DMRT1: variants seen among roughly 807,000 people sequenced by gnomAD.
DMRT1 encodes doublesex and mab-3 related transcription factor 1.
A neutral mutation model predicts 32.3 loss-of-function variants in DMRT1; 7 were observed. The ratio of observed to expected loss-of-function variants is 0.22; its 90% CI spans 0.12 to 0.41. The LOEUF (loss-of-function observed/expected upper bound fraction) is 0.41, where lower values mean the gene tolerates loss of function less well. Among genes scored for constraint, DMRT1 ranks in the 10% least tolerant of loss-of-function variants. The pLI is 1.00. For synonymous variants in DMRT1, 278 were observed against 206.1 expected, an observed-to-expected ratio of 1.35 and a Z score of -2.99; for missense variants, 625 against 500.5, an observed-to-expected ratio of 1.25 and a Z score of -2.37.
rs869227462 is a variant in DMRT1 at position 851,028 on chromosome 9, CAA to C, written c.538+3901_538+3902del. 1.2e-4 allele frequency among the ~76,000 whole-genome samples: 11 copies of C among 94,788 alleles called. No homozygotes were observed. In the East Asian group the frequency reaches 1.9e-3, roughly 17 times the overall value. 62.2% of individuals were successfully genotyped at this position (94,788 alleles called of 152,430 possible). A position where few individuals can be genotyped will look rare whatever the true frequency, so the allele number is the denominator to read the frequency against. On this transcript the variant is annotated intron_variant, in intron 2 of 4. Coordinates refer to ENST00000382276, the MANE Select transcript of DMRT1 (RefSeq NM_021951.3). ...TGGGCGACAGGGTGAGACTCTATCTCAAAAAAAAAAAAAAAAAGAAAGAAAAA... is the reference window on the plus strand; with the variant it reads ...TGGGCGACAGGGTGAGACTCTATCTCAAAAAAAAAAAAAAAGAAAGAAAAA...
intron 3 of DMRT1, among the ~76,000 whole-genome samples, chr9:896,580 C>T (rs1183513491): frequency 2.6e-5 from 4 of 151,926 alleles, no homozygotes; most frequent in African/African-American, 7.3e-5. Flanking sequence ...TTTGGGAGGC[C>T]GAGGCGGGTG....
intron 2 of DMRT1, among the ~76,000 whole-genome samples, chr9:861,853 C>A (rs1295416169): frequency 2.0e-5 from 3 of 151,368 alleles, no homozygotes; most frequent in African/African-American, 7.3e-5. Context: ...ACGCTCCTCA[C>A]CTCCCAGACG....
chr9:901,890 C>A (rs1026389145), intron 3 of DMRT1, among the ~76,000 whole-genome samples: 9 of 150,274 alleles, frequency 6.0e-5, no homozygotes, highest in Non-Finnish European at 1.3e-4. Flanking sequence ...TGGCCCACAC[C>A]ATCAGCAAGT....
At chr9:896,370 C>G (rs188930971) in intron 3 of DMRT1, among the ~76,000 whole-genome samples, 2 of 149,130 alleles carry the variant, frequency 1.3e-5, no homozygotes, top group African/African-American at 5.0e-5. Context: ...CCTCCACCTC[C>G]TGGGTTCAAG....
At chr9:884,670 G>A (rs1294832644) in intron 2 of DMRT1, among the ~76,000 whole-genome samples, 1 of 152,088 alleles carries the variant, frequency 6.6e-6, no homozygotes, top group Non-Finnish European at 1.5e-5. Context: ...ATATACCAAT[G>A]GTAACACTTA....
At chr9:888,274 A>T (rs1405071399) in intron 2 of DMRT1, among the ~76,000 whole-genome samples, 1 of 151,884 alleles carries the variant, frequency 6.6e-6, no homozygotes, top group Non-Finnish European at 1.5e-5. Context: ...ATTTAGGTAG[A>T]AGCCTAGCTT....
intron 2 of DMRT1, among the ~76,000 whole-genome samples, chr9:868,728 G>A (rs1475287560): frequency 2.0e-5 from 3 of 152,150 alleles, no homozygotes; most frequent in Non-Finnish European, 2.9e-5. Context: ...AGTTAGCATC[G>A]GCTGGGCACG....
intron 3 of DMRT1, 55 bp from the exon 4 acceptor site, chr9:916,708 C>T: frequency 6.3e-7 from 1 of 1,587,982 alleles, no homozygotes; most frequent in African/African-American, 1.3e-5. Flanking sequence ...AATTATTGTA[C>T]TAGTTGTGAC....
At chr9:936,626 G>A (rs1160193553) in intron 4 of DMRT1, among the ~76,000 whole-genome samples, 5 of 151,862 alleles carry the variant, frequency 3.3e-5, no homozygotes, top group South Asian at 2.1e-4. Context: ...GGTGGCAGGC[G>A]CCAGCAATCC....
chr9:871,549 G>C (rs1816259035), intron 2 of DMRT1, among the ~76,000 whole-genome samples: 1 of 135,780 alleles, frequency 7.4e-6, no homozygotes, highest in Admixed American at 7.8e-5. Flanking sequence ...CACCGTGTTA[G>C]CCAGGATGGT....
chr9:854,712 AT>A (rs1488390048), intron 2 of DMRT1, among the ~76,000 whole-genome samples: 1 of 150,996 alleles, frequency 6.6e-6, no homozygotes. Context: ...AGATAAAAAC[AT>A]TCCCAAATTT....
intron 4 of DMRT1, among the ~76,000 whole-genome samples, chr9:962,758 C>T (rs556875176): frequency 6.6e-6 from 1 of 152,254 alleles, no homozygotes; most frequent in South Asian, 2.1e-4. Flanking sequence ...ACAAAAAAGG[C>T]TTCTTCCCTT....
At position 843,685 on chromosome 9, in the gene DMRT1, T is replaced by C. The variant is rs556229416; in HGVS notation, c.354+1493T>C. Among the ~76,000 whole-genome samples the C allele has an allele frequency of 8.7e-4, 133 of 152,326 alleles. 2 individuals carry two copies. In the South Asian group the frequency reaches 0.011, roughly 12 times the overall value. Reference sequence around the variant, plus strand: ...AGTTGTTTCATCTTTTTAAGACAGGTTATTTAAAATGAAAAGATAACGAAG... The same window carrying C: ...AGTTGTTTCATCTTTTTAAGACAGGCTATTTAAAATGAAAAGATAACGAAG... On this transcript the variant is annotated intron_variant, in intron 1 of 4. Transcript: ENST00000382276.
chr9:891,641 A>G (rs1318830799), intron 2 of DMRT1, among the ~76,000 whole-genome samples: 1 of 151,458 alleles, frequency 6.6e-6, no homozygotes, highest in Non-Finnish European at 1.5e-5. Flanking sequence ...CAGCCTCCCA[A>G]GTAGCTGGGA....
chr9:861,478 C>G (rs969186115), intron 2 of DMRT1, among the ~76,000 whole-genome samples: 1 of 152,260 alleles, frequency 6.6e-6, no homozygotes, highest in Non-Finnish European at 1.5e-5. Flanking sequence ...TCTACACAGA[C>G]ACAATAACAA....
At chr9:875,352 C>T (rs1286659302) in intron 2 of DMRT1, among the ~76,000 whole-genome samples, 1 of 152,164 alleles carries the variant, frequency 6.6e-6, no homozygotes, top group East Asian at 1.9e-4. Flanking sequence ...ATAGGGCTCC[C>T]AGACCTGGGC....
chr9:925,814 T>C (rs990456424), intron 4 of DMRT1, among the ~76,000 whole-genome samples: 1 of 152,136 alleles, frequency 6.6e-6, no homozygotes, highest in Non-Finnish European at 1.5e-5. Context: ...ACAGTGCCTG[T>C]TAGGTAGGGG....
At chr9:844,902 G>A (rs1589439423) in intron 1 of DMRT1, among the ~76,000 whole-genome samples, 2 of 151,908 alleles carry the variant, frequency 1.3e-5, no homozygotes, top group East Asian at 3.9e-4. Context: ...TGTATTTTTA[G>A]TTAGAGACGG....
chr9:862,275 A>G (rs950615182), intron 2 of DMRT1, among the ~76,000 whole-genome samples: 36 of 152,290 alleles, frequency 2.4e-4, no homozygotes, highest in Middle Eastern at 3.4e-3. Flanking sequence ...CGAGGCTGGC[A>G]GACCACTCGC....
Sources: gnomAD v4.1 joint callset for allele counts (sites outside exome capture counted in the v4.1 genomes callset) on GRCh38, gnomAD v4.1.1 for gene constraint, MANE v1.5 for transcripts, NCBI Gene and HGNC (gene_info 2026-07-23, HGNC 2026-07-21) for gene names.